GNAQ: variants seen among roughly 807,000 people sequenced by gnomAD.
GNAQ encodes G protein subunit alpha q.
A neutral mutation model predicts 43.9 loss-of-function variants in GNAQ; 8 were observed. That is an observed-to-expected ratio of 0.18 (90% CI 0.11 to 0.33). The LOEUF (loss-of-function observed/expected upper bound fraction) is 0.33, where lower values mean the gene tolerates loss of function less well. Among genes scored for constraint, GNAQ ranks in the 10% least tolerant of loss-of-function variants. The pLI is 1.00. For missense variants in GNAQ, 158 were observed against 450.8 expected (o/e 0.35, Z 5.88); for synonymous variants, 155 against 170.7 (o/e 0.91, Z 0.71).
At chr9:77,851,990 C>A (rs935765709) in intron 2 of GNAQ, among the ~76,000 whole-genome samples, 4 of 152,044 alleles carry the variant, frequency 2.6e-5, no homozygotes, top group African/African-American at 9.7e-5. Flanking sequence ...GTAAACAGAG[C>A]AGGTGCCAAA....
chr9:77,949,843 T>A (rs1200831871), intron 1 of GNAQ, among the ~76,000 whole-genome samples: 1 of 152,206 alleles, frequency 6.6e-6, no homozygotes, highest in Non-Finnish European at 1.5e-5. Context: ...TCCACCTTGG[T>A]TCAGAATCCT....
intron 1 of GNAQ, among the ~76,000 whole-genome samples, chr9:77,948,571 G>GC (rs1822934190): frequency 6.6e-6 from 1 of 152,182 alleles, no homozygotes; most frequent in Non-Finnish European, 1.5e-5. Context: ...GCCTGTGCAT[G>GC]CAAGAATTAA....
chr9:77,800,574 G>A (rs142642328), intron 3 of GNAQ, among the ~76,000 whole-genome samples: 1 of 152,104 alleles, frequency 6.6e-6, no homozygotes, highest in Non-Finnish European at 1.5e-5. Context: ...GGACTGCTGT[G>A]GGGGGAGGGA....
At chr9:78,012,729 T>C (rs901706643) in intron 1 of GNAQ, among the ~76,000 whole-genome samples, 2 of 152,132 alleles carry the variant, frequency 1.3e-5, no homozygotes, top group East Asian at 1.9e-4. Flanking sequence ...TATATACATA[T>C]ATGTACACAA....
At chr9:77,998,033 T>C (rs1823596940) in intron 1 of GNAQ, among the ~76,000 whole-genome samples, 1 of 152,114 alleles carries the variant, frequency 6.6e-6, no homozygotes, top group Non-Finnish European at 1.5e-5. Context: ...CTCCTCCTCC[T>C]TTCTTCCCCA....
At chr9:77,865,386 T>C (rs896820279) in intron 2 of GNAQ, among the ~76,000 whole-genome samples, 1 of 152,272 alleles carries the variant, frequency 6.6e-6, no homozygotes, top group Non-Finnish European at 1.5e-5. Context: ...GTAAGAAAGC[T>C]ATCTGTATCA....
At chr9:77,909,683 T>TAAA (rs71360667) in intron 2 of GNAQ, among the ~76,000 whole-genome samples, 2 of 132,034 alleles carry the variant, frequency 1.5e-5, no homozygotes, top group East Asian at 2.2e-4. Context: ...CACAAGATAG[T>TAAA]AAAAAAAAAA....
chr9:77,958,775 T>C (rs1420254587), intron 1 of GNAQ, among the ~76,000 whole-genome samples: 3 of 152,126 alleles, frequency 2.0e-5, no homozygotes, highest in Non-Finnish European at 4.4e-5. Context: ...GTACCGACTG[T>C]GGCCAATCAA....
intron 3 of GNAQ, among the ~76,000 whole-genome samples, chr9:77,810,942 A>G (rs1438865012): frequency 6.6e-6 from 1 of 152,176 alleles, no homozygotes; most frequent in Admixed American, 6.5e-5. Flanking sequence ...TAAAGGATGA[A>G]TAGGAGTTCA....
chr9:77,983,096 G>C (rs1823388915), intron 1 of GNAQ, among the ~76,000 whole-genome samples: 2 of 152,158 alleles, frequency 1.3e-5, no homozygotes, highest in African/African-American at 4.8e-5. Flanking sequence ...ACACTACCCA[G>C]AATTCTGCTG....
At chr9:77,980,987 T>C (rs1473804047) in intron 1 of GNAQ, among the ~76,000 whole-genome samples, 1 of 152,224 alleles carries the variant, frequency 6.6e-6, no homozygotes, top group Non-Finnish European at 1.5e-5. Flanking sequence ...AAACCTACAA[T>C]GATTTCTATC....
At chr9:77,942,342 G>C (rs764246445) in intron 1 of GNAQ, among the ~76,000 whole-genome samples, 3 of 152,142 alleles carry the variant, frequency 2.0e-5, no homozygotes, top group African/African-American at 7.2e-5. Flanking sequence ...TTATATGAAG[G>C]AATTTGAATA....
rs1491357362 is a variant in GNAQ at position 78,001,585 on chromosome 9, ACT to A, written c.136+29513_136+29514del. Among the ~76,000 whole-genome samples, 354 of 148,898 alleles carry A rather than the reference ACT, an allele frequency of 2.4e-3. 3 individuals are homozygous for A. The Middle Eastern group carries it at 0.056, about 24-fold the overall frequency. ...ACTTTGAATTTTCATACTTCTTTGT[ACT>A]TTTTTTTTTTTTTAAGAAGTCATGG... On this transcript the variant is annotated intron_variant, in intron 1 of 6. Transcript: ENST00000286548.
At chr9:77,759,212 C>T (rs1166738804) in intron 5 of GNAQ, among the ~76,000 whole-genome samples, 1 of 152,142 alleles carries the variant, frequency 6.6e-6, no homozygotes, top group African/African-American at 2.4e-5. Flanking sequence ...TATTGTTAAC[C>T]TGAACTGAAT....
At chr9:77,836,239 G>C (rs199752389) in intron 2 of GNAQ, among the ~76,000 whole-genome samples, 3 of 35,948 alleles carry the variant, frequency 8.3e-5, no homozygotes, top group Non-Finnish European at 4.3e-4. Context: ...AGCCCCCCCC[G>C]GATCTGTCCA....
chr9:78,017,225 T>C (rs1336064635), intron 1 of GNAQ, among the ~76,000 whole-genome samples: 1 of 152,224 alleles, frequency 6.6e-6, no homozygotes, highest in Non-Finnish European at 1.5e-5. Context: ...GTGTAAACCC[T>C]AGCAACATGT....
At chr9:77,731,589 G>A (rs146886648) in intron 5 of GNAQ, among the ~76,000 whole-genome samples, 2 of 152,316 alleles carry the variant, frequency 1.3e-5, no homozygotes, top group African/African-American at 4.8e-5. Flanking sequence ...TCTCTGAGGG[G>A]ACACTCCAGG....
chr9:77,816,303 T>C (rs1474793265), intron 2 of GNAQ, among the ~76,000 whole-genome samples: 1 of 152,164 alleles, frequency 6.6e-6, no homozygotes, highest in Non-Finnish European at 1.5e-5. Context: ...TTAATAGTAA[T>C]AATTTAATCT....
chr9:77,750,017 C>T (rs1825787971), intron 5 of GNAQ, among the ~76,000 whole-genome samples: 1 of 151,954 alleles, frequency 6.6e-6, no homozygotes, highest in Admixed American at 6.6e-5. Context: ...CAAGATTGGG[C>T]TAAAAAGTCT....
Sources: gnomAD v4.1 joint callset for allele counts (sites outside exome capture counted in the v4.1 genomes callset) on GRCh38, gnomAD v4.1.1 for gene constraint, MANE v1.5 for transcripts, NCBI Gene and HGNC (gene_info 2026-07-23, HGNC 2026-07-21) for gene names.